Variants in ZBTB20 observed in about 807,000 individuals in gnomAD.
ZBTB20 encodes the protein zinc finger and BTB domain-containing protein 20.
Under a neutral mutation model 56.9 loss-of-function variants are expected in ZBTB20, and 9 were observed. That is an observed-to-expected ratio of 0.16 (90% CI 0.10 to 0.28). The LOEUF (loss-of-function observed/expected upper bound fraction) is 0.28, where lower values mean the gene tolerates loss of function less well. ZBTB20 is among the 10% of genes least tolerant of loss of function. The probability of loss-of-function intolerance (pLI) is 1.00; values close to 1 mark genes in which losing one functional copy is unlikely to be tolerated. For missense variants in ZBTB20, 655 were observed against 1,003.0 expected (o/e 0.65, Z 4.69); for synonymous variants, 417 against 420.7 (o/e 0.99, Z 0.11).
At chr3:114,642,441 C>T (rs2059609918) in intron 6 of ZBTB20, among the ~76,000 whole-genome samples, 1 of 151,864 alleles carries the variant, frequency 6.6e-6, no homozygotes, top group Non-Finnish European at 1.5e-5. Context: ...ACAAATTGCT[C>T]AGGGTGAAAA....
At chr3:114,363,255 C>CCCTT (rs1257691097) in intron 10 of ZBTB20, among the ~76,000 whole-genome samples, 1 of 152,082 alleles carries the variant, frequency 6.6e-6, no homozygotes, top group African/African-American at 2.4e-5. Flanking sequence ...TTAGAATGAT[C>CCCTT]CCTTATTCAT....
intron 7 of ZBTB20, among the ~76,000 whole-genome samples, chr3:114,437,976 G>A (rs1230542433): frequency 1.3e-5 from 2 of 152,128 alleles, no homozygotes; most frequent in Admixed American, 6.6e-5. Context: ...TCATCAATGT[G>A]GTGGCAGGCA....
At chr3:114,354,363 C>T (rs1266269923) in intron 10 of ZBTB20, among the ~76,000 whole-genome samples, 2 of 152,180 alleles carry the variant, frequency 1.3e-5, no homozygotes, top group Non-Finnish European at 2.9e-5. Flanking sequence ...TTTAAACATA[C>T]ATTTGCTCAT....
At chr3:114,424,719 C>T (rs890398515) in intron 7 of ZBTB20, among the ~76,000 whole-genome samples, 8 of 152,110 alleles carry the variant, frequency 5.3e-5, no homozygotes, top group Non-Finnish European at 8.8e-5. Flanking sequence ...CTCAAGTTTA[C>T]GGTCTTTACT....
At chr3:114,530,541 T>C (rs898924464) in intron 6 of ZBTB20, among the ~76,000 whole-genome samples, 34 of 152,320 alleles carry the variant, frequency 2.2e-4, no homozygotes, top group Middle Eastern at 3.4e-3. Flanking sequence ...TGTTGAGCAA[T>C]GTGTGACTAC....
At chr3:115,113,365 T>C (rs979535264) in intron 1 of ZBTB20, among the ~76,000 whole-genome samples, 1 of 152,228 alleles carries the variant, frequency 6.6e-6, no homozygotes, top group African/African-American at 2.4e-5. Flanking sequence ...AGGCACTCTT[T>C]CTATGGTAGA....
At chr3:114,550,214 A>T (rs138149931) in intron 6 of ZBTB20, among the ~76,000 whole-genome samples, 48 of 152,334 alleles carry the variant, frequency 3.2e-4, no homozygotes, top group Admixed American at 1.2e-3. Flanking sequence ...CTGGAATTAC[A>T]GGCATGAGCC....
chr3:114,400,319 A>G (rs551527482), intron 7 of ZBTB20, among the ~76,000 whole-genome samples: 2 of 152,326 alleles, frequency 1.3e-5, no homozygotes, highest in African/African-American at 4.8e-5. Flanking sequence ...ATTGACAATA[A>G]TGTATGCTTT....
intron 3 of ZBTB20, among the ~76,000 whole-genome samples, chr3:114,935,028 C>G (rs887035425): frequency 6.6e-6 from 1 of 152,060 alleles, no homozygotes; most frequent in African/African-American, 2.4e-5. Flanking sequence ...GATATGATTG[C>G]TACTTTCATC....
intron 7 of ZBTB20, among the ~76,000 whole-genome samples, chr3:114,490,961 A>C (rs1048207609): frequency 6.6e-6 from 1 of 152,206 alleles, no homozygotes; most frequent in Admixed American, 6.5e-5. Context: ...AGGTTATTCA[A>C]GTCCCTGTTC....
chr3:114,945,143 A>G (rs1028703465), intron 3 of ZBTB20, among the ~76,000 whole-genome samples: 2 of 145,536 alleles, frequency 1.4e-5, no homozygotes, highest in African/African-American at 5.6e-5. Flanking sequence ...ACATATATAT[A>G]CACAAAAAAG....
chr3:114,900,547 A>G (rs1336807642), intron 3 of ZBTB20: 3 of 151,606 alleles, frequency 2.0e-5, no homozygotes, highest in African/African-American at 7.3e-5. Context: ...ACACACACAC[A>G]CAGAGTCCCT....
chr3:114,495,335 C>T (rs1443747942), intron 7 of ZBTB20, among the ~76,000 whole-genome samples: 6 of 151,940 alleles, frequency 3.9e-5, no homozygotes, highest in Non-Finnish European at 5.9e-5. Context: ...CAAGGTACAA[C>T]GGAAATGGCT....
At chr3:114,620,282 G>GT (rs1020976936) in intron 6 of ZBTB20, among the ~76,000 whole-genome samples, 1 of 151,896 alleles carries the variant, frequency 6.6e-6, no homozygotes, top group Non-Finnish European at 1.5e-5. Context: ...ACATGGACAT[G>GT]TTTTTTTCTT....
chr3:114,753,925 T>C (rs1189596059), intron 5 of ZBTB20, among the ~76,000 whole-genome samples: 1 of 152,194 alleles, frequency 6.6e-6, no homozygotes, highest in African/African-American at 2.4e-5. Context: ...GTATTTCTTA[T>C]ATTTTTCTGG....
intron 7 of ZBTB20, among the ~76,000 whole-genome samples, chr3:114,449,071 T>A (rs1437135912): frequency 6.6e-6 from 1 of 152,160 alleles, no homozygotes; most frequent in East Asian, 1.9e-4. Context: ...CTGGCAGGTT[T>A]CTTTCTTTTT....
At chr3:114,972,938 A>G (rs888319938) in intron 3 of ZBTB20, among the ~76,000 whole-genome samples, 6 of 152,110 alleles carry the variant, frequency 3.9e-5, no homozygotes, top group African/African-American at 1.4e-4. Context: ...CCACTCCAAA[A>G]TATACTTTAC....
At chr3:114,834,639 A>G (rs930090096) in intron 4 of ZBTB20, among the ~76,000 whole-genome samples, 7 of 151,964 alleles carry the variant, frequency 4.6e-5, no homozygotes, top group East Asian at 1.9e-4. Context: ...CTTTGCTCCA[A>G]TCCTTGCACC....
intron 6 of ZBTB20, among the ~76,000 whole-genome samples, chr3:114,578,704 A>T (rs1437024750): frequency 1.3e-5 from 2 of 151,818 alleles, no homozygotes; most frequent in Non-Finnish European, 3.0e-5. Flanking sequence ...ACCCAGATAA[A>T]TTGCTATTTA....
Sources: gnomAD v4.1 joint callset for allele counts (sites outside exome capture counted in the v4.1 genomes callset) on GRCh38, gnomAD v4.1.1 for gene constraint, MANE v1.5 for transcripts, NCBI Gene and HGNC (gene_info 2026-07-23, HGNC 2026-07-21) for gene names.